The following PPARA variants were observed in gnomAD, a reference collection of about 807,000 sequenced individuals.
The protein encoded by PPARA is peroxisome proliferator-activated receptor alpha.
In PPARA, 22 loss-of-function variants were observed where a neutral mutation model predicts 42.2. The ratio of observed to expected loss-of-function variants is 0.52; its 90% CI spans 0.37 to 0.74. PPARA has a LOEUF of 0.74. Among genes scored for constraint, PPARA ranks in the 30% least tolerant of loss-of-function variants. The probability of loss-of-function intolerance (pLI) is 0.00; values close to 1 mark genes in which losing one functional copy is unlikely to be tolerated. For missense variants in PPARA, 465 were observed against 608.2 expected (o/e 0.76, Z 2.48); for synonymous variants, 242 against 239.3 (o/e 1.01, Z -0.10).
In PPARA at chr22:46,242,530, A is replaced by G. The variant is rs548303276; in HGVS notation, c.*7150A>G. On this transcript the variant is annotated 3_prime_UTR_variant, in exon 9 of 9. Transcript: ENST00000407236. The surrounding 1 kb of genome is among the most constrained non-coding windows in gnomAD (Gnocchi z 6.1). ...CTACGTTAATAGCTATATCTTAAATACTGTGATTTGACTTTTTGAAAAATA... is the reference window on the plus strand; with the variant it reads ...CTACGTTAATAGCTATATCTTAAATGCTGTGATTTGACTTTTTGAAAAATA... 44 of 152,768 alleles carry G rather than the reference A, an allele frequency of 2.9e-4. No homozygotes were observed. The highest frequency in any genetic ancestry group is 1.0e-3 in the African/African-American group (42 of 41,550). 9.5% of individuals were successfully genotyped at this position (152,768 alleles called of 1,614,324 possible).
rs1392618288 is a variant in PPARA at position 46,190,524 on chromosome 22, G to A, written c.-42-7818G>A. 6.6e-6 allele frequency among the ~76,000 whole-genome samples: 1 copy of A among 152,164 alleles called. No individual in the cohort carries two copies. The highest frequency in any genetic ancestry group is 1.5e-5 in the Non-Finnish European group (1 of 68,034). The stretch of plus-strand genomic sequence containing the variant: ...AATCCCAACACTTAGAGGCCAAGCC[G>A]CGTGGATCGCTTGAGCCCAGGAGTT... On this transcript the variant is annotated intron_variant, in intron 3 of 8. Coordinates refer to ENST00000407236, the MANE Select transcript of PPARA (RefSeq NM_005036.6). This position sits in a 1 kb window ranked among gnomAD's most constrained non-coding sequence, Gnocchi z 5.6.
At chr22:46,194,976 C>T (rs1024379237) in intron 3 of PPARA, among the ~76,000 whole-genome samples, 1 of 148,618 alleles carries the variant, frequency 6.7e-6, no homozygotes, top group Non-Finnish European at 1.5e-5. Context: ...GATCTCAGCT[C>T]ACTGCAACCT....
rs1924294092 is a variant in PPARA, at chr22:46,150,805, T to G, written c.-210+153T>G. 1 of 148,954 alleles carries G rather than the reference T, an allele frequency of 6.7e-6. No individual in the cohort carries two copies. Among genetic ancestry groups the G allele is most frequent in the African/African-American group, 2.5e-5 (1 of 40,312 alleles). 9.2% of individuals were successfully genotyped at this position (148,954 alleles called of 1,614,324 possible). A position where few individuals can be genotyped will look rare whatever the true frequency, so the allele number is the denominator to read the frequency against. On this transcript the variant is annotated intron_variant, in intron 1 of 8. Transcript: ENST00000407236. This position sits in a 1 kb window ranked among gnomAD's most constrained non-coding sequence, Gnocchi z 7.5. ...GGCCCGGGGTCTCGGGGTCTCCGGG[T>G]CCCGGGGACCCGGGGGCCCGGGGTG...
In PPARA at chr22:46,196,825, C is replaced by T. The variant is rs779089298; in HGVS notation, c.-42-1517C>T. 3.9e-5 allele frequency among the ~76,000 whole-genome samples: 6 copies of T among 152,034 alleles called. No homozygotes were observed. In the East Asian group the frequency reaches 7.7e-4, roughly 20 times the overall value. ...GCAACCTCCGCCTCCCATGTTCAAG[C>T]GGTTCTCCTGCCTCAACCTCCTGAG... On this transcript the variant is annotated intron_variant, in intron 3 of 8. Coordinates refer to ENST00000407236, the MANE Select transcript of PPARA (RefSeq NM_005036.6). This position sits in a 1 kb window ranked among gnomAD's most constrained non-coding sequence, Gnocchi z 5.6.
rs1038179372 is a variant in PPARA at position 46,171,823 on chromosome 22, A to G, written c.-126-4930A>G. Among the ~76,000 whole-genome samples the G allele has an allele frequency of 1.3e-5, 2 of 152,152 alleles. No homozygotes were observed. Among genetic ancestry groups the G allele is most frequent in the African/African-American group, 4.8e-5 (2 of 41,428 alleles). On this transcript the variant is annotated intron_variant, in intron 2 of 8. Coordinates refer to ENST00000407236, the MANE Select transcript of PPARA (RefSeq NM_005036.6). The surrounding 1 kb of genome is among the most constrained non-coding windows in gnomAD (Gnocchi z 5.0). ...TGGTTTGTGTTGTGTGTGAAAGGCCATGGGATGGGGACCAGCGAGGGCTTC... is the reference window on the plus strand; with the variant it reads ...TGGTTTGTGTTGTGTGTGAAAGGCCGTGGGATGGGGACCAGCGAGGGCTTC...
In PPARA at chr22:46,173,705, G is replaced by T. The variant is rs1928443288; in HGVS notation, c.-126-3048G>T. On this transcript the variant is annotated intron_variant, in intron 2 of 8. Transcript: ENST00000407236. This position sits in a 1 kb window ranked among gnomAD's most constrained non-coding sequence, Gnocchi z 4.3. The stretch of plus-strand genomic sequence containing the variant: ...GAAAAATGCTATCAAGGACATTATT[G>T]GGTCAATTAACAAAATTTGAATACG... 1.3e-5 allele frequency among the ~76,000 whole-genome samples: 2 copies of T among 152,138 alleles called. No homozygotes were observed. The highest frequency in any genetic ancestry group is 1.9e-4 in the East Asian group (1 of 5,204).
Position 46,196,874 on chromosome 22 carries a change from C to T in PPARA, c.-42-1468C>T, listed in dbSNP as rs954226338. Among the ~76,000 whole-genome samples, 2 of 152,046 alleles carry T rather than the reference C, an allele frequency of 1.3e-5. No homozygotes were observed. Among genetic ancestry groups the T allele is most frequent in the Non-Finnish European group, 2.9e-5 (2 of 68,026 alleles). On this transcript the variant is annotated intron_variant, in intron 3 of 8. Transcript: ENST00000407236. The surrounding 1 kb of genome is among the most constrained non-coding windows in gnomAD (Gnocchi z 5.6). ...AGTAGCTGGGATTACAGGTGCCTGCCACCATGCCCAGCTAATTTTTGTATT... is the reference window on the plus strand; with the variant it reads ...AGTAGCTGGGATTACAGGTGCCTGCTACCATGCCCAGCTAATTTTTGTATT...
At chr22:46,215,738 A>T (rs1203548494) in intron 5 of PPARA, among the ~76,000 whole-genome samples, 1 of 141,630 alleles carries the variant, frequency 7.1e-6, no homozygotes, top group South Asian at 2.2e-4. Context: ...GTGAGACTCC[A>T]TCTTAAAAAA....
intron 4 of PPARA, among the ~76,000 whole-genome samples, chr22:46,205,519 C>CATAT (rs552533545): frequency 0.011 from 367 of 34,412 alleles, 10 homozygotes; most frequent in East Asian, 0.012. Flanking sequence ...CATGCCCAGC[C>CATAT]ATATATATAT....
chr22:46,208,272 T>G (rs1301410108), intron 4 of PPARA, among the ~76,000 whole-genome samples: 1 of 152,128 alleles, frequency 6.6e-6, no homozygotes, highest in African/African-American at 2.4e-5. Flanking sequence ...ATGTAAAGGC[T>G]GCTCCTTGAG....
intron 2 of PPARA, among the ~76,000 whole-genome samples, chr22:46,159,379 G>A (rs1306048870): frequency 1.3e-5 from 2 of 152,164 alleles, no homozygotes; most frequent in African/African-American, 4.8e-5. Context: ...AATTTGTGAA[G>A]CAGCGTATTT....
intron 5 of PPARA, among the ~76,000 whole-genome samples, chr22:46,215,700 C>G (rs1201312047): frequency 6.6e-6 from 1 of 151,786 alleles, no homozygotes; most frequent in African/African-American, 2.4e-5. Flanking sequence ...CAAGATTGCG[C>G]CACTGCACTC....
rs753192848 is a variant in PPARA at position 46,198,467 on chromosome 22, G to A, written c.84G>A (p.Leu28=). The A allele has an allele frequency of 5.0e-6, 8 of 1,613,880 alleles. No individual in the cohort carries two copies. Among genetic ancestry groups the A allele is most frequent in the Non-Finnish European group, 6.8e-6 (8 of 1,179,964 alleles). The change falls in exon 4 of 9, where the codon CTG becomes CTA. Residue 28 remains leucine (L), a synonymous_variant. Coordinates refer to ENST00000407236, the MANE Select transcript of PPARA (RefSeq NM_005036.6). ...AGAGCCCGTTATCTGAAGAGTTCCT[G>A]CAAGAAATGGGAAACATCCAAGAGA... is the stretch of plus-strand genomic sequence containing the variant. The part of the protein sequence containing the change: ...DLESPLSEEF[L]QEMGNIQEIS...
rs1429364770 is a variant in PPARA at position 46,235,319 on chromosome 22, A to T, written c.1346A>T (p.Lys449Met). 1 of 1,614,150 alleles carries T rather than the reference A, an allele frequency of 6.2e-7. No individual in the cohort carries two copies. The change falls in exon 9 of 9, where the codon AAG (lysine) becomes ATG (methionine). Residue 449 changes from lysine (K) to methionine (M), a missense_variant. Physicochemically the swap from Lys to Met is moderately conservative, Grantham distance 95. Transcript: ENST00000407236. The surrounding 1 kb of genome is among the most constrained non-coding windows in gnomAD (Gnocchi z 7.0). ...GCGCAGCTGGTGCAGATCATCAAGAAGACGGAGTCGGATGCTGCGCTGCAC... is the reference window on the plus strand; with the variant it reads ...GCGCAGCTGGTGCAGATCATCAAGATGACGGAGTCGGATGCTGCGCTGCAC... ...EHAQLVQIIK[K>M]TESDAALHPL...
intron 3 of PPARA, among the ~76,000 whole-genome samples, chr22:46,178,301 T>C (rs893627743): frequency 2.2e-4 from 33 of 152,176 alleles, no homozygotes; most frequent in Non-Finnish European, 3.2e-4. Context: ...ACAGACTCCA[T>C]TTTCCAGGAT....
chr22:46,176,174 C>T (rs968391191), intron 2 of PPARA: 4 of 151,412 alleles, frequency 2.6e-5, no homozygotes, highest in Non-Finnish European at 1.5e-5. Context: ...GACGGACGGA[C>T]AGATAGATAG....
chr22:46,235,312 A>G lies in PPARA; in HGVS notation c.1339A>G (p.Ile447Val), dbSNP rs745843221. 1.9e-6 allele frequency: 3 copies of G among 1,614,130 alleles called. No individual in the cohort carries two copies. The highest frequency in any genetic ancestry group is 1.3e-5 in the African/African-American group (1 of 75,054). The change falls in exon 9 of 9, where the codon ATC becomes GTC. Residue 447 changes from isoleucine to valine, a missense_variant. Physicochemically the swap from Ile to Val is conservative, Grantham distance 29. Transcript: ENST00000407236. The surrounding 1 kb of genome is among the most constrained non-coding windows in gnomAD (Gnocchi z 7.0). Reference sequence around the variant, plus strand: ...GGAGCATGCGCAGCTGGTGCAGATCATCAAGAAGACGGAGTCGGATGCTGC... The same window carrying G: ...GGAGCATGCGCAGCTGGTGCAGATCGTCAAGAAGACGGAGTCGGATGCTGC... ...VTEHAQLVQIIKKTESDAALH... is the reference protein window; with the variant it reads ...VTEHAQLVQIVKKTESDAALH...
Position 46,173,610 on chromosome 22 carries a change from T to G in PPARA, c.-126-3143T>G, listed in dbSNP as rs540619542. 1.3e-5 allele frequency among the ~76,000 whole-genome samples: 2 copies of G among 152,166 alleles called. No individual in the cohort carries two copies. Among genetic ancestry groups the G allele is most frequent in the Non-Finnish European group, 2.9e-5 (2 of 68,032 alleles). On this transcript the variant is annotated intron_variant, in intron 2 of 8. Coordinates refer to ENST00000407236, the MANE Select transcript of PPARA (RefSeq NM_005036.6). This position sits in a 1 kb window ranked among gnomAD's most constrained non-coding sequence, Gnocchi z 4.3. ...AAGACAAAGAAAAGCTGCGGAAATG[T>G]TTCAGATTAAAAGAGAGAAGACAAT...
At chr22:46,177,338 G>A (rs1314012623) in intron 3 of PPARA, among the ~76,000 whole-genome samples, 2 of 151,560 alleles carry the variant, frequency 1.3e-5, no homozygotes, top group Non-Finnish European at 2.9e-5. Context: ...ACAATATTTG[G>A]TATAAAAATT....
Sources: gnomAD v4.1 joint callset for allele counts (sites outside exome capture counted in the v4.1 genomes callset) on GRCh38, gnomAD v4.1.1 for gene constraint, Gnocchi (gnomAD v3.1) non-coding constraint, MANE v1.5 for transcripts, NCBI Gene and HGNC (gene_info 2026-07-23, HGNC 2026-07-21) for gene names.